ASTN2: variants seen among roughly 807,000 people sequenced by gnomAD.
ASTN2 encodes astrotactin 2.
Under a neutral mutation model 139.8 loss-of-function variants are expected in ASTN2, and 54 were observed. The ratio of observed to expected loss-of-function variants is 0.39; its 90% CI spans 0.31 to 0.48. The LOEUF (loss-of-function observed/expected upper bound fraction) is 0.48. Ranked by LOEUF, ASTN2 falls within the 20% of genes least tolerant of loss-of-function variation. ASTN2 has a pLI of 0.95. For missense variants in ASTN2, 1,565 were observed against 1,725.1 expected (o/e 0.91, Z 1.64); for synonymous variants, 756 against 719.5 (o/e 1.05, Z -0.81).
chr9:116,858,280 G>A (rs1476487003), intron 11 of ASTN2, among the ~76,000 whole-genome samples: 1 of 152,148 alleles, frequency 6.6e-6, no homozygotes. Context: ...TAAAACAATA[G>A]AAAGCTGGAA....
chr9:116,643,162 T>C (rs1273002490), intron 17 of ASTN2, among the ~76,000 whole-genome samples: 1 of 152,322 alleles, frequency 6.6e-6, no homozygotes, highest in African/African-American at 2.4e-5. Context: ...TAAATACACA[T>C]GAAGCACTTT....
intron 19 of ASTN2, among the ~76,000 whole-genome samples, chr9:116,575,958 C>T (rs1308733030): frequency 6.6e-6 from 1 of 152,154 alleles, no homozygotes; most frequent in Non-Finnish European, 1.5e-5. Flanking sequence ...GAGGAGGAAG[C>T]TCATGAGTGG....
chr9:116,560,102 A>G (rs1852830206), intron 19 of ASTN2, among the ~76,000 whole-genome samples: 1 of 152,166 alleles, frequency 6.6e-6, no homozygotes, highest in African/African-American at 2.4e-5. Flanking sequence ...GTGAGGTCCC[A>G]AGTGGGTTGC....
chr9:116,810,218 A>G (rs1292132625), intron 12 of ASTN2, among the ~76,000 whole-genome samples: 2 of 152,188 alleles, frequency 1.3e-5, no homozygotes, highest in Admixed American at 1.3e-4. Flanking sequence ...CTATTTATCA[A>G]CTGTTCTTTT....
intron 22 of ASTN2, among the ~76,000 whole-genome samples, chr9:116,434,766 G>C (rs1847597798): frequency 2.0e-5 from 3 of 152,188 alleles, no homozygotes; most frequent in South Asian, 2.1e-4. Flanking sequence ...CCTTATGTCT[G>C]GGGACAGCTG....
chr9:116,603,100 A>T (rs1854993056), intron 19 of ASTN2, among the ~76,000 whole-genome samples: 1 of 152,210 alleles, frequency 6.6e-6, no homozygotes, highest in Non-Finnish European at 1.5e-5. Flanking sequence ...GGAGAGTTGC[A>T]TGCATCCAGT....
chr9:117,298,666 A>ACG lies in ASTN2; in HGVS notation c.443-7154_443-7153insCG, dbSNP rs1554717027. On this transcript the variant is annotated intron_variant, in intron 1 of 22. Transcript: ENST00000313400. ...ACTGTCTTGGTGTGTGTATATATAT[A>ACG]TGTGTATATATATATATATATATAT... 9.1e-5 allele frequency among the ~76,000 whole-genome samples: 4 copies of ACG among 43,890 alleles called. No homozygotes were observed. The East Asian group carries it at 3.7e-3, about 41-fold the overall frequency. 28.8% of individuals were successfully genotyped at this position (43,890 alleles called of 152,430 possible).
chr9:116,735,741 G>A (rs1249414157), intron 13 of ASTN2, among the ~76,000 whole-genome samples: 2 of 152,236 alleles, frequency 1.3e-5, no homozygotes, highest in Non-Finnish European at 2.9e-5. Flanking sequence ...CTCTGGGCAG[G>A]AGAGGCTAAG....
At chr9:116,954,664 T>TA (rs11380979) in intron 10 of ASTN2, among the ~76,000 whole-genome samples, 62,073 of 151,540 alleles carry the variant, frequency 0.41, 14,757 homozygotes, top group Non-Finnish European at 0.54. Context: ...CTTTATTTAT[T>TA]AAAAAAAAAC....
intron 1 of ASTN2, among the ~76,000 whole-genome samples, chr9:117,394,774 A>G (rs1830633396): frequency 1.3e-5 from 2 of 152,178 alleles, no homozygotes; most frequent in Non-Finnish European, 2.9e-5. Flanking sequence ...TGTGAGAGAG[A>G]CAAGCAATAG....
At chr9:116,573,185 A>G (rs1564126632) in intron 19 of ASTN2, among the ~76,000 whole-genome samples, 1 of 152,210 alleles carries the variant, frequency 6.6e-6, no homozygotes, top group Non-Finnish European at 1.5e-5. Flanking sequence ...ATGAGTTTTC[A>G]TTGCATTCCT....
At chr9:116,812,856 G>A (rs1831203415) in intron 12 of ASTN2, among the ~76,000 whole-genome samples, 1 of 152,068 alleles carries the variant, frequency 6.6e-6, no homozygotes, top group Admixed American at 6.5e-5. Flanking sequence ...CCCTGTGGGT[G>A]GGAAAAGATT....
chr9:117,252,712 G>A (rs763854439), intron 2 of ASTN2, among the ~76,000 whole-genome samples: 1 of 152,222 alleles, frequency 6.6e-6, no homozygotes, highest in East Asian at 1.9e-4. Flanking sequence ...AGAAGCTGAA[G>A]CTCAGTGAGG....
At chr9:116,763,159 G>C (rs1013447586) in intron 13 of ASTN2, among the ~76,000 whole-genome samples, 2 of 152,138 alleles carry the variant, frequency 1.3e-5, no homozygotes, top group African/African-American at 2.4e-5. Flanking sequence ...AACTGTGTGA[G>C]GGTAGAGATT....
At chr9:116,915,250 G>A (rs1250532433) in intron 10 of ASTN2, among the ~76,000 whole-genome samples, 3 of 152,200 alleles carry the variant, frequency 2.0e-5, no homozygotes, top group African/African-American at 7.2e-5. Context: ...AGTTCTCATG[G>A]CCATGGTCAT....
At chr9:116,903,616 C>A (rs1407929222) in intron 10 of ASTN2, among the ~76,000 whole-genome samples, 1 of 152,070 alleles carries the variant, frequency 6.6e-6, no homozygotes, top group Non-Finnish European at 1.5e-5. Flanking sequence ...GGTGCTGAAC[C>A]CACCTCCTCC....
intron 5 of ASTN2, among the ~76,000 whole-genome samples, chr9:117,059,351 T>C (rs373146948): frequency 4.9e-4 from 74 of 152,230 alleles, no homozygotes; most frequent in Non-Finnish European, 7.6e-4. Context: ...TGGTGGCTCA[T>C]GCCTGTAATC....
At chr9:116,674,577 T>G (rs1859389728) in intron 16 of ASTN2, among the ~76,000 whole-genome samples, 1 of 152,234 alleles carries the variant, frequency 6.6e-6, no homozygotes, top group African/African-American at 2.4e-5. Flanking sequence ...TTTGCTTTTT[T>G]GCTATCAACT....
At chr9:117,105,251 G>T in intron 4 of ASTN2, among the ~76,000 whole-genome samples, 1 of 152,224 alleles carries the variant, frequency 6.6e-6, no homozygotes, top group South Asian at 2.1e-4. Context: ...AACCTGAAAA[G>T]CAATAAAGCT....
Sources: gnomAD v4.1 joint callset for allele counts (sites outside exome capture counted in the v4.1 genomes callset) on GRCh38, gnomAD v4.1.1 for gene constraint, MANE v1.5 for transcripts, NCBI Gene and HGNC (gene_info 2026-07-23, HGNC 2026-07-21) for gene names.